Variants in IMMP2L observed in about 807,000 individuals in gnomAD.
The protein encoded by IMMP2L is inner mitochondrial membrane peptidase subunit 2, also known as mitochondrial inner membrane protease subunit 2.
In IMMP2L, 18 loss-of-function variants were observed where a neutral mutation model predicts 19.3. The ratio of observed to expected loss-of-function variants is 0.93; its 90% CI spans 0.64 to 1.38. The LOEUF is 1.38. IMMP2L is among the 40% of genes most tolerant of loss of function. The pLI is 0.00. For missense variants in IMMP2L, 233 were observed against 218.2 expected (o/e 1.07, Z -0.43); for synonymous variants, 76 against 73.0 (o/e 1.04, Z -0.21).
intron 3 of IMMP2L, among the ~76,000 whole-genome samples, chr7:111,399,314 C>G (rs1283734495): frequency 3.9e-5 from 6 of 152,010 alleles, no homozygotes. Context: ...ATAGAGAACC[C>G]AGAAATAAAC....
intron 3 of IMMP2L, among the ~76,000 whole-genome samples, chr7:111,295,184 T>C (rs868705502): frequency 6.6e-6 from 1 of 151,994 alleles, no homozygotes; most frequent in African/African-American, 2.4e-5. Flanking sequence ...TCTGCTCATA[T>C]GTATTTTCAT....
intron 3 of IMMP2L, among the ~76,000 whole-genome samples, chr7:111,389,674 C>A (rs1409686723): frequency 3.3e-5 from 5 of 151,986 alleles, no homozygotes; most frequent in East Asian, 1.9e-4. Context: ...CATATCAGTT[C>A]TTTGTACTAT....
chr7:111,060,538 G>A (rs1217488215), intron 3 of IMMP2L, among the ~76,000 whole-genome samples: 1 of 152,162 alleles, frequency 6.6e-6, no homozygotes, highest in African/African-American at 2.4e-5. Context: ...GCATGTCCAG[G>A]AGTAAAGCTG....
chr7:110,731,792 G>C (rs1025165997), intron 5 of IMMP2L, among the ~76,000 whole-genome samples: 1 of 152,060 alleles, frequency 6.6e-6, no homozygotes, highest in Non-Finnish European at 1.5e-5. Context: ...TTGACTTCAG[G>C]ATGAAGTCGA....
intron 1 of IMMP2L, among the ~76,000 whole-genome samples, chr7:111,558,800 T>C (rs902897075): frequency 3.9e-5 from 6 of 152,184 alleles, no homozygotes; most frequent in Non-Finnish European, 7.4e-5. Flanking sequence ...TTTCCTGGGG[T>C]TCTGATCTGG....
At chr7:111,431,358 T>G (rs1252130443) in intron 3 of IMMP2L, among the ~76,000 whole-genome samples, 1 of 151,930 alleles carries the variant, frequency 6.6e-6, no homozygotes, top group Non-Finnish European at 1.5e-5. Context: ...TGTACGCTCA[T>G]GAGCAAGTCA....
chr7:111,149,957 G>A (rs1803893873), intron 3 of IMMP2L, among the ~76,000 whole-genome samples: 1 of 152,098 alleles, frequency 6.6e-6, no homozygotes, highest in Admixed American at 6.6e-5. Flanking sequence ...GTAATACACT[G>A]ACAGTTCACC....
intron 3 of IMMP2L, among the ~76,000 whole-genome samples, chr7:111,464,200 G>A (rs938286558): frequency 1.2e-4 from 18 of 152,164 alleles, no homozygotes; most frequent in Non-Finnish European, 2.2e-4. Context: ...CAGGATTACA[G>A]GTATAGCTTA....
chr7:111,319,635 C>T (rs1824468258), intron 3 of IMMP2L, among the ~76,000 whole-genome samples: 1 of 152,064 alleles, frequency 6.6e-6, no homozygotes, highest in Non-Finnish European at 1.5e-5. Flanking sequence ...TCAATAACAA[C>T]CCTATAATCT....
chr7:111,359,580 A>G (rs988409050), intron 3 of IMMP2L, among the ~76,000 whole-genome samples: 6 of 151,896 alleles, frequency 4.0e-5, no homozygotes, highest in African/African-American at 1.4e-4. Context: ...GGAATTACAG[A>G]CGTAAGTCAC....
In IMMP2L at chr7:110,718,265, A is replaced by G. The variant is rs960901836; in HGVS notation, c.409-54544T>C. Among the ~76,000 whole-genome samples, 5 of 152,230 alleles carry G rather than the reference A, an allele frequency of 3.3e-5. No homozygotes were observed. The South Asian group carries it at 1.0e-3, about 31-fold the overall frequency. On this transcript the variant is annotated intron_variant, in intron 5 of 5. Coordinates refer to ENST00000405709, the MANE Select transcript of IMMP2L (RefSeq NM_032549.4). Reference sequence around the variant, plus strand: ...AAAAGTAGAAAGTTTGAGAACACTTATTCTCAATATGTAGCAATGCTGCTA... The same window carrying G: ...AAAAGTAGAAAGTTTGAGAACACTTGTTCTCAATATGTAGCAATGCTGCTA...
chr7:111,521,839 C>T (rs1401454276), intron 1 of IMMP2L, among the ~76,000 whole-genome samples: 3 of 152,086 alleles, frequency 2.0e-5, no homozygotes, highest in African/African-American at 7.2e-5. Context: ...ATGTGGCTGC[C>T]CAACTAAAGA....
At chr7:111,456,144 A>C (rs1839654465) in intron 3 of IMMP2L, among the ~76,000 whole-genome samples, 1 of 152,012 alleles carries the variant, frequency 6.6e-6, no homozygotes, top group Non-Finnish European at 1.5e-5. Context: ...ATCTCAATGA[A>C]GCCAAATAAC....
chr7:111,261,723 T>C (rs777492290), intron 3 of IMMP2L, among the ~76,000 whole-genome samples: 1 of 152,134 alleles, frequency 6.6e-6, no homozygotes, highest in African/African-American at 2.4e-5. Flanking sequence ...AAGGAGCTAG[T>C]TATTCAGATG....
intron 3 of IMMP2L, among the ~76,000 whole-genome samples, chr7:111,348,926 A>G (rs559957699): frequency 1.3e-5 from 2 of 152,256 alleles, no homozygotes; most frequent in African/African-American, 4.8e-5. Flanking sequence ...AGACTAGCAA[A>G]GAAATATTTT....
intron 4 of IMMP2L, among the ~76,000 whole-genome samples, chr7:110,930,226 C>A (rs549454303): frequency 2.0e-5 from 3 of 152,116 alleles, no homozygotes; most frequent in Non-Finnish European, 4.4e-5. Flanking sequence ...TTTGGAAAGA[C>A]AGTGATCCGC....
intron 3 of IMMP2L, among the ~76,000 whole-genome samples, chr7:110,999,550 A>T (rs1441069638): frequency 6.6e-6 from 1 of 150,892 alleles, no homozygotes; most frequent in Admixed American, 6.6e-5. Flanking sequence ...TAGTTTTCCT[A>T]ATTCTTGTTT....
intron 3 of IMMP2L, among the ~76,000 whole-genome samples, chr7:111,423,187 G>A (rs1234807726): frequency 1.3e-5 from 2 of 151,698 alleles, no homozygotes; most frequent in African/African-American, 4.9e-5. Flanking sequence ...CTTTTTTGTT[G>A]TGTCTCTGCC....
In IMMP2L at chr7:110,733,015, T is replaced by C. The variant is rs200798302; in HGVS notation, c.409-69294A>G. On this transcript the variant is annotated intron_variant, in intron 5 of 5. Transcript: ENST00000405709. ...GATTCCCAGGCTGATCTCAAACTCC[T>C]GGCCTCAAGTGATATTTAGCCTTTG... Among the ~76,000 whole-genome samples the C allele has an allele frequency of 4.6e-5, 7 of 152,262 alleles. No individual in the cohort carries two copies. In the East Asian group the frequency reaches 1.4e-3, roughly 29 times the overall value.
Sources: gnomAD v4.1 joint callset for allele counts (sites outside exome capture counted in the v4.1 genomes callset) on GRCh38, gnomAD v4.1.1 for gene constraint, MANE v1.5 for transcripts, NCBI Gene and HGNC (gene_info 2026-07-23, HGNC 2026-07-21) for gene names.